Variants in ME1 observed in about 807,000 individuals in gnomAD.
ME1 encodes NADP-dependent malic enzyme.
ME1 carries 74 observed loss-of-function variants against 66.4 expected under a neutral mutation model. The ratio of observed to expected loss-of-function variants is 1.11; its 90% CI spans 0.92 to 1.35. The LOEUF is 1.35. ME1 is among the 40% of genes most tolerant of loss of function. The probability of loss-of-function intolerance (pLI) is 0.00; values close to 1 mark genes in which losing one functional copy is unlikely to be tolerated. For synonymous variants in ME1, 251 were observed against 235.6 expected (o/e 1.07, Z -0.60); for missense variants, 750 against 694.1 (o/e 1.08, Z -0.90).
intron 4 of ME1, among the ~76,000 whole-genome samples, chr6:83,347,256 GT>G (rs1768706693): frequency 6.6e-6 from 1 of 152,066 alleles, no homozygotes; most frequent in Non-Finnish European, 1.5e-5. Context: ...TGCCCAGCCT[GT>G]TTAGTTTATT....
intron 6 of ME1, among the ~76,000 whole-genome samples, chr6:83,284,452 C>T (rs1223155705): frequency 3.3e-5 from 5 of 152,058 alleles, no homozygotes; most frequent in African/African-American, 9.7e-5. Context: ...AAAGAGAAAA[C>T]TACAGGCCAA....
Position 83,376,804 on chromosome 6 carries a change from C to CAAA in ME1, c.362+21560_362+21562dup, listed in dbSNP as rs70987750. Among the ~76,000 whole-genome samples, 8 of 87,134 alleles carry CAAA rather than the reference C, an allele frequency of 9.2e-5. No homozygotes were observed. In the East Asian group the frequency reaches 9.5e-4, roughly 10 times the overall value. The allele number at this position is 87,134 out of a possible 152,430, so 57.2% of individuals were successfully genotyped here. On this transcript the variant is annotated intron_variant, in intron 3 of 13. Transcript: ENST00000369705. ...GGCGACAGAACCAGACCCTGTCTCACAAAAAAAAAAAAAAAATTCAAAAAA... is the reference window on the plus strand; with the variant it reads ...GGCGACAGAACCAGACCCTGTCTCACAAAAAAAAAAAAAAAAAAATTCAAAAAA...
chr6:83,398,374 T>C lies in ME1; in HGVS notation c.355A>G (p.Lys119Glu), dbSNP rs749714618. 1 of 1,574,020 alleles carries C rather than the reference T, an allele frequency of 6.4e-7. No homozygotes were observed. The highest frequency in any genetic ancestry group is 1.4e-5 in the African/African-American group (1 of 72,944). ...ACQQYSLVFR[K>E]PRGLFITIHD... ...AAATAAAAGTTGACATACCTTGGCT[T>C]CCGAAACACCAAACTATATTGTTGG... The change falls in exon 3 of 14, where the codon AAG becomes GAG. Residue 119 changes from lysine (K) to glutamate (E), a missense_variant. Lys to Glu is a moderately conservative substitution (Grantham distance 56, BLOSUM62 1). Coordinates refer to ENST00000369705, the MANE Select transcript of ME1 (RefSeq NM_002395.6).
intron 3 of ME1, among the ~76,000 whole-genome samples, chr6:83,385,124 T>C (rs1769482313): frequency 6.6e-6 from 1 of 151,954 alleles, no homozygotes; most frequent in South Asian, 2.1e-4. Context: ...TCAGTAACTG[T>C]CACTGTTATT....
At chr6:83,369,315 T>C (rs556617271) in intron 3 of ME1, among the ~76,000 whole-genome samples, 1 of 152,188 alleles carries the variant, frequency 6.6e-6, no homozygotes, top group African/African-American at 2.4e-5. Context: ...TCTACTGAAG[T>C]GAACTGAGGT....
chr6:83,361,839 T>A (rs1277097082), intron 3 of ME1, among the ~76,000 whole-genome samples: 1 of 151,936 alleles, frequency 6.6e-6, no homozygotes, highest in African/African-American at 2.4e-5. Flanking sequence ...CAAATGGAAG[T>A]GGTATATAGG....
chr6:83,287,965 T>A lies in ME1; in HGVS notation c.704+27345A>T, dbSNP rs754856458. 6.6e-5 allele frequency among the ~76,000 whole-genome samples: 10 copies of A among 152,232 alleles called. No homozygotes were observed. The East Asian group carries it at 1.9e-3, about 29-fold the overall frequency. The stretch of plus-strand genomic sequence containing the variant: ...CATAAATGTCTTCTTTTGAGAAGTG[T>A]CTGTCCATATCCTTTGCCCATTTTT... On this transcript the variant is annotated intron_variant, in intron 6 of 13. Transcript: ENST00000369705.
intron 7 of ME1, among the ~76,000 whole-genome samples, chr6:83,240,928 C>T (rs541999989): frequency 2.6e-5 from 4 of 152,050 alleles, no homozygotes; most frequent in African/African-American, 4.8e-5. Flanking sequence ...ACAATGTGTA[C>T]TACAAAAATA....
At chr6:83,221,692 C>T (rs1020865102) in intron 12 of ME1, among the ~76,000 whole-genome samples, 1 of 151,596 alleles carries the variant, frequency 6.6e-6, no homozygotes, top group Non-Finnish European at 1.5e-5. Context: ...CAGATTTGGC[C>T]ACTACTAGAA....
At chr6:83,312,227 C>T (rs376665423) in intron 6 of ME1, among the ~76,000 whole-genome samples, 14 of 152,268 alleles carry the variant, frequency 9.2e-5, no homozygotes, top group African/African-American at 2.2e-4. Context: ...ACACTGATAC[C>T]TGGAGACTTG....
chr6:83,215,909 A>G (rs187636711), intron 13 of ME1, among the ~76,000 whole-genome samples: 6 of 152,334 alleles, frequency 3.9e-5, no homozygotes, highest in Admixed American at 3.9e-4. Context: ...TTACACTGCA[A>G]AAAAAGTCCA....
At chr6:83,349,015 A>G (rs56314967) in intron 4 of ME1, among the ~76,000 whole-genome samples, 2 of 124,026 alleles carry the variant, frequency 1.6e-5, no homozygotes, top group African/African-American at 3.1e-5. Context: ...AAAACAAAAA[A>G]CAGTGCATTC....
intron 5 of ME1, among the ~76,000 whole-genome samples, chr6:83,323,725 C>T (rs116508282): frequency 6.6e-6 from 1 of 152,064 alleles, no homozygotes; most frequent in East Asian, 1.9e-4. Flanking sequence ...TAGACTCCCA[C>T]AAAATAATAG....
At chr6:83,257,364 A>G (rs1315780594) in intron 6 of ME1, among the ~76,000 whole-genome samples, 1 of 152,044 alleles carries the variant, frequency 6.6e-6, no homozygotes, top group Non-Finnish European at 1.5e-5. Flanking sequence ...AATACAAGCA[A>G]TTTTTATCCA....
At position 83,224,718 on chromosome 6, in the gene ME1, A is replaced by C. The variant is rs183968232; in HGVS notation, c.1276-785T>G. On this transcript the variant is annotated intron_variant, in intron 11 of 13. Coordinates refer to ENST00000369705, the MANE Select transcript of ME1 (RefSeq NM_002395.6). ...AAAAATAAAAATAATAATAATAATAAATAAATAAAATAAAATAAAATAGTT... is the reference window on the plus strand; with the variant it reads ...AAAAATAAAAATAATAATAATAATACATAAATAAAATAAAATAAAATAGTT... 5.5e-3 allele frequency among the ~76,000 whole-genome samples: 825 copies of C among 149,838 alleles called. 4 individuals are homozygous for C. The highest frequency in any genetic ancestry group is 0.011 in the South Asian group (54 of 4,790).
At chr6:83,315,445 T>A in intron 5 of ME1, 32 bp from the exon 6 acceptor site, 1 of 1,237,820 alleles carries the variant, frequency 8.1e-7, no homozygotes, top group South Asian at 1.3e-5. Context: ...AAAATAGAAA[T>A]AACTATAACC....
intron 3 of ME1, among the ~76,000 whole-genome samples, chr6:83,369,011 G>A (rs976040863): frequency 2.0e-5 from 3 of 152,132 alleles, no homozygotes; most frequent in Admixed American, 1.3e-4. Context: ...AAAGAAAATA[G>A]ACTTTATTAT....
intron 7 of ME1, among the ~76,000 whole-genome samples, chr6:83,243,887 GTATA>G (rs370591861): frequency 1.6e-5 from 2 of 127,568 alleles, no homozygotes; most frequent in African/African-American, 3.0e-5. Context: ...ATGTGTGTGT[GTATA>G]TATATATATA....
At chr6:83,362,711 TC>T (rs1288633669) in intron 3 of ME1, among the ~76,000 whole-genome samples, 1 of 152,216 alleles carries the variant, frequency 6.6e-6, no homozygotes, top group Admixed American at 6.5e-5. Flanking sequence ...CAGAGGTTTG[TC>T]CTCACTGGAA....
Sources: allele counts gnomAD v4.1 joint callset (sites outside exome capture counted in the v4.1 genomes callset), GRCh38; gene constraint gnomAD v4.1.1; transcripts MANE v1.5; gene names NCBI Gene and HGNC (gene_info 2026-07-23, HGNC 2026-07-21).